PRKAA1: variants seen among roughly 807,000 people sequenced by gnomAD.
PRKAA1 encodes the protein protein kinase AMP-activated catalytic subunit alpha 1.
PRKAA1 carries 23 observed loss-of-function variants against 56.9 expected under a neutral mutation model. The observed-to-expected ratio is 0.40, with a 90% CI of 0.29 to 0.57. The LOEUF (loss-of-function observed/expected upper bound fraction) is 0.57. PRKAA1 is among the 20% of genes least tolerant of loss of function. PRKAA1 has a pLI of 0.39. For missense variants in PRKAA1, 413 were observed against 679.7 expected (o/e 0.61, Z 4.36); for synonymous variants, 226 against 227.0 (o/e 1.00, Z 0.04).
Position 40,759,929 on chromosome 5 carries a change from A to T in PRKAA1, c.*2849T>A, listed in dbSNP as rs1743097816. The T allele has an allele frequency of 6.5e-6, 1 of 152,784 alleles. No homozygotes were observed. The highest frequency in any genetic ancestry group is 2.1e-4 in the South Asian group (1 of 4,826). The allele number at this position is 152,784 out of a possible 1,614,324, so 9.5% of individuals were successfully genotyped here. A position where few individuals can be genotyped will look rare whatever the true frequency, so the allele number is the denominator to read the frequency against. ...GGTAGAAAAGTTCCTCTCAGTGAGA[A>T]ATCATTTATTTTAATGGCAAAATTT... On this transcript the variant is annotated 3_prime_UTR_variant, in exon 9 of 9. Transcript: ENST00000397128.
At chr5:40,786,457 T>C (rs1215815602) in intron 1 of PRKAA1, among the ~76,000 whole-genome samples, 2 of 152,030 alleles carry the variant, frequency 1.3e-5, no homozygotes, top group East Asian at 3.9e-4. Flanking sequence ...ATAGTTAGTT[T>C]ATCAGTTGAA....
chr5:40,763,111 G>A, intron 8 of PRKAA1, 89 bp from the exon 9 acceptor site: 2 of 1,355,378 alleles, frequency 1.5e-6, no homozygotes, highest in African/African-American at 1.5e-5. Context: ...TTTAAGTGGG[G>A]CTGCTGGCCA....
chr5:40,791,346 C>A (rs1399646015), intron 1 of PRKAA1, among the ~76,000 whole-genome samples: 1 of 152,144 alleles, frequency 6.6e-6, no homozygotes, highest in African/African-American at 2.4e-5. Context: ...ATATTTTGGC[C>A]ACGGAAGACT....
rs916420889 is a variant in PRKAA1, at chr5:40,768,494, A to T, written c.597-804T>A. 1.7e-4 allele frequency: 155 copies of T among 937,442 alleles called. No homozygotes were observed. In the African/African-American group the frequency reaches 2.0e-3, roughly 12 times the overall value. 58.1% of individuals were successfully genotyped at this position (937,442 alleles called of 1,614,324 possible). A position where few individuals can be genotyped will look rare whatever the true frequency, so the allele number is the denominator to read the frequency against. Reference sequence around the variant, plus strand: ...TTAAGATAGACAACACCATTTTTTTAAAAATTTTTTAAATAATTTTTGACA... The same window carrying T: ...TTAAGATAGACAACACCATTTTTTTTAAAATTTTTTAAATAATTTTTGACA... On this transcript the variant is annotated intron_variant, in intron 5 of 8. Transcript: ENST00000397128.
intron 3 of PRKAA1, among the ~76,000 whole-genome samples, chr5:40,774,283 C>T (rs2088532620): frequency 6.6e-6 from 1 of 152,080 alleles, no homozygotes; most frequent in African/African-American, 2.4e-5. Flanking sequence ...AGGTACAGAA[C>T]AAGACGGAAC....
At chr5:40,764,384 G>A in intron 8 of PRKAA1, 130 bp downstream of exon 8, 1 of 864,916 alleles carries the variant, frequency 1.2e-6, no homozygotes. Flanking sequence ...AAAGGCACAA[G>A]AAATCACATT....
At chr5:40,791,655 T>G (rs570638413) in intron 1 of PRKAA1, among the ~76,000 whole-genome samples, 1 of 152,176 alleles carries the variant, frequency 6.6e-6, no homozygotes, top group Non-Finnish European at 1.5e-5. Context: ...ATTGAAAGAA[T>G]AAAAACGTGT....
chr5:40,792,652 A>G (rs1353512420), intron 1 of PRKAA1, among the ~76,000 whole-genome samples: 1 of 152,228 alleles, frequency 6.6e-6, no homozygotes, highest in African/African-American at 2.4e-5. Flanking sequence ...TCACACTGAT[A>G]TATATAGCTC....
chr5:40,767,548 A>T lies in PRKAA1; in HGVS notation c.739T>A (p.Tyr247Asn). The T allele has an allele frequency of 5.0e-6, 8 of 1,613,812 alleles. No individual in the cohort carries two copies. Among genetic ancestry groups the T allele is most frequent in the Non-Finnish European group, 6.8e-6 (8 of 1,179,766 alleles). Residue 247 changes from tyrosine (Y) to asparagine (N), a missense_variant, in exon 6 of 9, where the codon TAT becomes AAT. By Grantham distance (143) the Tyr-to-Asn change is moderately radical. Coordinates refer to ENST00000397128, the MANE Select transcript of PRKAA1 (RefSeq NM_006251.6). Reference sequence around the variant, plus strand: ...AGGCTAATCACAGAAGGATTTAAATATTGAGGGGTATAGAAGATCCCATCA... The same window carrying T: ...AGGCTAATCACAGAAGGATTTAAATTTTGAGGGGTATAGAAGATCCCATCA... ...ICDGIFYTPQ[Y>N]LNPSVISLLK...
At position 40,781,537 on chromosome 5, in the gene PRKAA1, A is replaced by G. The variant is rs154277; in HGVS notation, c.128-3951T>C. Reference sequence around the variant, plus strand: ...GGCAACAAATCCAGACAGGAATGTGACAGAGAATCCAAGATAGTTATTTCT... The same window carrying G: ...GGCAACAAATCCAGACAGGAATGTGGCAGAGAATCCAAGATAGTTATTTCT... On this transcript the variant is annotated intron_variant, in intron 1 of 8. Coordinates refer to ENST00000397128, the MANE Select transcript of PRKAA1 (RefSeq NM_006251.6). Among the ~76,000 whole-genome samples the G allele has an allele frequency of 1.1e-3, 170 of 152,328 alleles. 1 individual carries two copies. In the East Asian group the frequency reaches 0.028, roughly 25 times the overall value.
intron 1 of PRKAA1, among the ~76,000 whole-genome samples, chr5:40,791,632 T>C (rs950277460): frequency 6.6e-6 from 1 of 152,208 alleles, no homozygotes; most frequent in African/African-American, 2.4e-5. Flanking sequence ...AACCATTTCA[T>C]TCCCACTTTA....
chr5:40,797,109 C>T lies in PRKAA1; in HGVS notation c.127+954G>A, dbSNP rs116093062. On this transcript the variant is annotated intron_variant, in intron 1 of 8. Coordinates refer to ENST00000397128, the MANE Select transcript of PRKAA1 (RefSeq NM_006251.6). Reference sequence around the variant, plus strand: ...CACACTTTTCTTTTAATTTCAATAGCTTTAGGGGTACAAGTGGCTTTTGGT... The same window carrying T: ...CACACTTTTCTTTTAATTTCAATAGTTTTAGGGGTACAAGTGGCTTTTGGT... Among the ~76,000 whole-genome samples the T allele has an allele frequency of 1.9e-3, 292 of 152,212 alleles. 1 individual carries two copies. Among genetic ancestry groups the T allele is most frequent in the African/African-American group, 6.6e-3 (274 of 41,528 alleles).
chr5:40,770,329 G>A (rs1743675757), intron 4 of PRKAA1, among the ~76,000 whole-genome samples: 1 of 152,034 alleles, frequency 6.6e-6, no homozygotes, highest in African/African-American at 2.4e-5. Flanking sequence ...AGCTGCATGT[G>A]GTGGCCCACA....
intron 1 of PRKAA1, among the ~76,000 whole-genome samples, chr5:40,787,489 A>C (rs909140426): frequency 3.3e-5 from 5 of 151,820 alleles, no homozygotes; most frequent in African/African-American, 1.2e-4. Flanking sequence ...TAATAATAAT[A>C]ATAATAAAGC....
intron 1 of PRKAA1, 55 bp downstream of exon 1, chr5:40,798,008 C>A: frequency 6.3e-7 from 1 of 1,590,236 alleles, no homozygotes; most frequent in Non-Finnish European, 8.6e-7. Context: ...GTGCGGAAAG[C>A]GGAAGTCGTG....
chr5:40,787,458 T>G (rs1744539557), intron 1 of PRKAA1, among the ~76,000 whole-genome samples: 1 of 144,306 alleles, frequency 6.9e-6, no homozygotes, highest in Admixed American at 6.9e-5. Flanking sequence ...AGAGTGAAAC[T>G]CCATCTCAAA....
At position 40,764,773 on chromosome 5, in the gene PRKAA1, T is replaced by A. The variant is rs1304524923; in HGVS notation, c.1287A>T (p.Lys429Asn). Residue 429 changes from lysine (K) to asparagine (N), a missense_variant, in exon 7 of 9, where the codon AAA becomes AAT. This residue lies in a region of PRKAA1 where 139 missense variants were observed against 171.5 expected (regional missense o/e 0.81). Coordinates refer to ENST00000397128, the MANE Select transcript of PRKAA1 (RefSeq NM_006251.6). ...DIMAEVCRAI[K>N]QLDYEWKVVN... ...TTACCTTCCATTCATAATCCAATTG[T>A]TTGATTGCTCTACATACTTCTGCCA... 6.2e-7 allele frequency: 1 copy of A among 1,611,712 alleles called. No homozygotes were observed.
chr5:40,797,999 T>G, intron 1 of PRKAA1, 64 bp downstream of exon 1: 1 of 1,575,774 alleles, frequency 6.3e-7, no homozygotes, highest in Non-Finnish European at 8.6e-7. Flanking sequence ...GATGAAGAGG[T>G]GCGGAAAGCG....
Position 40,764,954 on chromosome 5 carries a change from C to T in PRKAA1, c.1106G>A (p.Arg369Gln), listed in dbSNP as rs1489277086. The change falls in exon 7 of 9, where the codon CGG (arginine) becomes CAG (glutamine). Residue 369 changes from arginine (R) to glutamine (Q), a missense_variant. Arg to Gln is a conservative substitution (Grantham distance 43). Coordinates refer to ENST00000397128, the MANE Select transcript of PRKAA1 (RefSeq NM_006251.6). Reference sequence around the variant, plus strand: ...GAATGGTACTCTTTCAGGATGGGGCCGAGTCAGGTGATGATCATCAAGAAA... The same window carrying T: ...GAATGGTACTCTTTCAGGATGGGGCTGAGTCAGGTGATGATCATCAAGAAA... ...DSFLDDHHLT[R>Q]PHPERVPFLV... 6 of 1,614,048 alleles carry T rather than the reference C, an allele frequency of 3.7e-6. No individual in the cohort carries two copies. The highest frequency in any genetic ancestry group is 1.7e-5 in the Admixed American group (1 of 60,012).
Sources: allele counts gnomAD v4.1 joint callset (sites outside exome capture counted in the v4.1 genomes callset), GRCh38; gene constraint gnomAD v4.1.1; regional missense constraint gnomAD v4.1.1; transcripts MANE v1.5; gene names NCBI Gene and HGNC (gene_info 2026-07-23, HGNC 2026-07-21).